VPS13B: variants seen among roughly 807,000 people sequenced by gnomAD.
The protein encoded by VPS13B is intermembrane lipid transfer protein VPS13B.
In VPS13B, 285 loss-of-function variants were observed where a neutral mutation model predicts 426.4. The observed-to-expected ratio is 0.67, with a 90% confidence interval of 0.61 to 0.74. VPS13B has a LOEUF of 0.74. Ranked by LOEUF, VPS13B falls within the 30% of genes least tolerant of loss-of-function variation. The pLI is 0.00. For synonymous variants in VPS13B, 1,676 were observed against 1,676.4 expected, an observed-to-expected ratio of 1.00 and a Z score of 0.01; for missense variants, 4,537 against 4,782.6, an observed-to-expected ratio of 0.95 and a Z score of 1.51.
chr8:99,414,903 G>A (rs1815908562), intron 21 of VPS13B, among the ~76,000 whole-genome samples: 1 of 152,104 alleles, frequency 6.6e-6, no homozygotes, highest in African/African-American at 2.4e-5. Flanking sequence ...CTCTTCTCAA[G>A]GAGTATCTTT....
chr8:99,685,852 G>T (rs1328601840), intron 35 of VPS13B, among the ~76,000 whole-genome samples: 2 of 152,078 alleles, frequency 1.3e-5, no homozygotes, highest in Admixed American at 1.3e-4. Context: ...TTAGTCTCTG[G>T]TACCTTAGTT....
At chr8:99,811,138 C>T (rs1813676146) in intron 44 of VPS13B, among the ~76,000 whole-genome samples, 1 of 152,196 alleles carries the variant, frequency 6.6e-6, no homozygotes, top group Non-Finnish European at 1.5e-5. Context: ...GTCATCCAGC[C>T]TCTTTGAATA....
chr8:99,539,858 T>G (rs1237207840), intron 30 of VPS13B, among the ~76,000 whole-genome samples: 1 of 150,000 alleles, frequency 6.7e-6, no homozygotes, highest in Non-Finnish European at 1.5e-5. Context: ...TTTTTTCTTT[T>G]TTGTACCATA....
intron 19 of VPS13B, among the ~76,000 whole-genome samples, chr8:99,335,201 A>G (rs1164956119): frequency 6.6e-6 from 1 of 151,966 alleles, no homozygotes; most frequent in Non-Finnish European, 1.5e-5. Context: ...ATCGGTGGTG[A>G]TATCTCCTTT....
intron 52 of VPS13B, among the ~76,000 whole-genome samples, chr8:99,834,465 T>C (rs1257517775): frequency 6.6e-6 from 1 of 152,188 alleles, no homozygotes; most frequent in East Asian, 1.9e-4. Flanking sequence ...TCAGCCTGCC[T>C]ACCTCTAGAA....
At chr8:99,393,327 CTTT>C (rs1814545010) in intron 21 of VPS13B, among the ~76,000 whole-genome samples, 1 of 151,932 alleles carries the variant, frequency 6.6e-6, no homozygotes, top group Middle Eastern at 3.2e-3. Context: ...ATTTTGCCTT[CTTT>C]ATTATACTTT....
At chr8:99,661,929 G>C (rs1563850172) in intron 35 of VPS13B, among the ~76,000 whole-genome samples, 1 of 152,094 alleles carries the variant, frequency 6.6e-6, no homozygotes. Context: ...ATAGTTAAAT[G>C]TACCTGTTTC....
chr8:99,710,132 C>A (rs1203128809), intron 36 of VPS13B, among the ~76,000 whole-genome samples: 2 of 152,072 alleles, frequency 1.3e-5, no homozygotes, highest in African/African-American at 4.8e-5. Context: ...ACTACAAGTA[C>A]AGAAAATGTA....
At chr8:99,074,247 T>C (rs1844996596) in intron 3 of VPS13B, among the ~76,000 whole-genome samples, 1 of 152,192 alleles carries the variant, frequency 6.6e-6, no homozygotes, top group African/African-American at 2.4e-5. Flanking sequence ...CCTAATATGT[T>C]GGGAGGTTTT....
intron 33 of VPS13B, among the ~76,000 whole-genome samples, chr8:99,608,152 T>C (rs1374776513): frequency 9.3e-6 from 1 of 107,604 alleles, no homozygotes; most frequent in African/African-American, 3.2e-5. Flanking sequence ...TTAATCTACT[T>C]TTTTTTTTTT....
At chr8:99,674,847 C>T (rs1406010852) in intron 35 of VPS13B, among the ~76,000 whole-genome samples, 1 of 152,028 alleles carries the variant, frequency 6.6e-6, no homozygotes, top group East Asian at 1.9e-4. Flanking sequence ...TACTCTTATA[C>T]TCCACTACCT....
At chr8:99,441,122 C>T (rs1316533118) in intron 22 of VPS13B, among the ~76,000 whole-genome samples, 2 of 152,038 alleles carry the variant, frequency 1.3e-5, no homozygotes, top group African/African-American at 4.8e-5. Context: ...GATTTTAGAA[C>T]TAAAATGAGC....
chr8:99,381,029 C>G (rs1813770615), intron 19 of VPS13B, among the ~76,000 whole-genome samples: 1 of 151,946 alleles, frequency 6.6e-6, no homozygotes, highest in Admixed American at 6.6e-5. Flanking sequence ...TTATTTTTAT[C>G]TGATCCTCTC....
At chr8:99,555,053 G>C (rs1824482022) in intron 30 of VPS13B, among the ~76,000 whole-genome samples, 2 of 152,084 alleles carry the variant, frequency 1.3e-5, no homozygotes, top group Admixed American at 1.3e-4. Context: ...ACCAGTGGCT[G>C]TTTGTTCCCC....
At chr8:99,718,832 A>AT (rs1198461221) in intron 37 of VPS13B, among the ~76,000 whole-genome samples, 1 of 151,228 alleles carries the variant, frequency 6.6e-6, no homozygotes, top group African/African-American at 2.4e-5. Context: ...ATGCTTGACT[A>AT]TTTTTTTTAA....
chr8:99,272,288 C>T (rs1818645284), intron 17 of VPS13B, among the ~76,000 whole-genome samples: 1 of 152,016 alleles, frequency 6.6e-6, no homozygotes, highest in South Asian at 2.1e-4. Context: ...GTGATAAAGT[C>T]TTCTGTGATG....
At chr8:99,072,315 G>C (rs1349179774) in intron 3 of VPS13B, among the ~76,000 whole-genome samples, 1 of 152,150 alleles carries the variant, frequency 6.6e-6, no homozygotes, top group South Asian at 2.1e-4. Flanking sequence ...GCCAAGACTG[G>C]TTCCTTCCCT....
intron 33 of VPS13B, among the ~76,000 whole-genome samples, chr8:99,624,295 G>C (rs1355502541): frequency 6.6e-6 from 1 of 152,018 alleles, no homozygotes; most frequent in African/African-American, 2.4e-5. Flanking sequence ...AATGGCATTA[G>C]ATCTTTGTAA....
rs79733089 is a variant in VPS13B at position 99,384,607 on chromosome 8, A to G, written c.2934+290A>G. ...GTCTTCATTCTTTCATAGTGTCTAC[A>G]TGTCCATTCTCATGGTGTGCAATAC... On this transcript the variant is annotated intron_variant, in intron 20 of 61. Transcript: ENST00000357162. Among the ~76,000 whole-genome samples, 7,524 of 152,288 alleles carry G rather than the reference A, an allele frequency of 0.049. 279 individuals carry two copies. The highest frequency in any genetic ancestry group is 0.071 in the Middle Eastern group (21 of 294).
Sources: allele counts gnomAD v4.1 joint callset (sites outside exome capture counted in the v4.1 genomes callset), GRCh38; gene constraint gnomAD v4.1.1; transcripts MANE v1.5; gene names NCBI Gene and HGNC (gene_info 2026-07-23, HGNC 2026-07-21).